Variants in SHOX observed in about 807,000 individuals in gnomAD.
The protein encoded by SHOX is SHOX homeobox, also known as short stature homeobox protein.
Under a neutral mutation model 29.6 loss-of-function variants are expected in SHOX, and 12 were observed. The observed-to-expected ratio is 0.41, with a 90% CI of 0.26 to 0.66. The LOEUF (loss-of-function observed/expected upper bound fraction) is 0.66, where lower values mean the gene tolerates loss of function less well. Among genes scored for constraint, SHOX ranks in the 30% least tolerant of loss-of-function variants. The probability of loss-of-function intolerance (pLI) is 0.35; values close to 1 mark genes in which losing one functional copy is unlikely to be tolerated. For missense variants in SHOX, 499 were observed against 437.7 expected (o/e 1.14, Z -1.25); for synonymous variants, 214 against 200.6 (o/e 1.07, Z -0.57).
At chrX:639,690 G>A (rs1297058502) in intron 2 of SHOX, among the ~76,000 whole-genome samples, 5 of 152,228 alleles carry the variant, frequency 3.3e-5, no homozygotes, top group African/African-American at 9.6e-5. Flanking sequence ...CTTAGGCAGG[G>A]CACGGATGAT....
At chrX:640,065 C>G (rs2052823751) in intron 2 of SHOX, among the ~76,000 whole-genome samples, 1 of 146,174 alleles carries the variant, frequency 6.8e-6, no homozygotes, top group Non-Finnish European at 1.5e-5. Context: ...CAGTTCTAGG[C>G]CAGGTGCAGT....
rs1270884494 is a variant in SHOX, at chrX:631,024, C to T, written c.127C>T (p.Leu43=). 1.2e-6 allele frequency: 2 copies of T among 1,613,862 alleles called. No individual in the cohort carries two copies. The highest frequency in any genetic ancestry group is 1.7e-6 in the Non-Finnish European group (2 of 1,179,856). ...GTACCGGGAAGTTTTGGAGAGCGGA[C>T]TGGCGCGCTCCCGGGAGCTGGGGAC... The part of the protein sequence containing the change: ...ITYREVLESG[L]ARSRELGTSD... The change falls in exon 1 of 5, where the codon CTG becomes TTG. Residue 43 remains leucine (L), a synonymous_variant. Transcript: ENST00000686671.
chrX:658,384 A>G (rs1459189305), intron 5 of SHOX, among the ~76,000 whole-genome samples: 2 of 152,200 alleles, frequency 1.3e-5, no homozygotes, highest in Non-Finnish European at 2.9e-5. Context: ...TATAAAAATA[A>G]GAAAAAGTCG....
downstream of SHOX, among the ~76,000 whole-genome samples, chrX:652,085 C>T (rs1243195422): frequency 6.6e-6 from 1 of 151,984 alleles, no homozygotes; most frequent in Non-Finnish European, 1.5e-5. Flanking sequence ...CCACCGCGCC[C>T]GGCTCATTTT....
upstream of SHOX, chrX:630,491 G>C (rs759928739): frequency 3.5e-6 from 1 of 284,942 alleles, no homozygotes; most frequent in Non-Finnish European, 6.6e-6. Context: ...CTTTTCCTCC[G>C]GCCACGGAGA....
chrX:635,766 T>C (rs1277882320), intron 2 of SHOX, among the ~76,000 whole-genome samples: 1 of 152,126 alleles, frequency 6.6e-6, no homozygotes, highest in Non-Finnish European at 1.5e-5. Context: ...AAATGGCTTC[T>C]TCCAGCCCCT....
chrX:649,607 G>A lies in SHOX; in HGVS notation c.*4971G>A, dbSNP rs892492255. ...TTCCCTGTGGCTTCCCGGTGAGCTC[G>A]CTCGCAGAGCAAGGAATACCACCCA... On this transcript the variant is annotated 3_prime_UTR_variant, in exon 5 of 5. Transcript: ENST00000686671. Among the ~76,000 whole-genome samples, 3 of 152,170 alleles carry A rather than the reference G, an allele frequency of 2.0e-5. No homozygotes were observed. Among genetic ancestry groups the A allele is most frequent in the African/African-American group, 2.4e-5 (1 of 41,440 alleles).
downstream of SHOX, among the ~76,000 whole-genome samples, chrX:656,270 T>G (rs1054388435): frequency 6.6e-6 from 1 of 151,674 alleles, no homozygotes; most frequent in Non-Finnish European, 1.5e-5. Flanking sequence ...AGTGAGATCT[T>G]GTTTCTCCAA....
At chrX:631,244 G>T in intron 1 of SHOX, 70 bp downstream of exon 1, 1 of 1,553,410 alleles carries the variant, frequency 6.4e-7, no homozygotes, top group Non-Finnish European at 8.9e-7. Context: ...CACGGAGTCG[G>T]CCCCGCGCGC....
At chrX:625,058 C>CCCTCCCTCCCTACTTCT (rs1556451947) in intron 1 of SHOX, among the ~76,000 whole-genome samples, 1 of 75,214 alleles carries the variant, frequency 1.3e-5, no homozygotes, top group Non-Finnish European at 2.2e-5. Flanking sequence ...TCTGTTCCTT[C>CCCTCCCTCCCTACTTCT]CTCCCTCCCT....
intron 4 of SHOX, among the ~76,000 whole-genome samples, chrX:643,119 T>G (rs2052889837): frequency 6.8e-6 from 1 of 145,994 alleles, no homozygotes; most frequent in African/African-American, 2.6e-5. Flanking sequence ...GGGGACCTGG[T>G]GACCTTGGAG....
Position 648,487 on chromosome X carries a change from G to A in SHOX, c.*3851G>A, listed in dbSNP as rs1284755513. On this transcript the variant is annotated 3_prime_UTR_variant, in exon 5 of 5. Coordinates refer to ENST00000686671, the MANE Select transcript of SHOX (RefSeq NM_000451.4). ...GGTTGACCTGCCCGCTTTGTCCCTC[G>A]CAAAGTGCTGGGATTACAGGCGTGA... is the stretch of plus-strand genomic sequence containing the variant. 1.3e-5 allele frequency among the ~76,000 whole-genome samples: 2 copies of A among 152,146 alleles called. No individual in the cohort carries two copies. The highest frequency in any genetic ancestry group is 1.9e-4 in the East Asian group (1 of 5,158).
downstream of SHOX, among the ~76,000 whole-genome samples, chrX:652,227 C>T (rs182786544): frequency 7.9e-5 from 12 of 151,840 alleles, no homozygotes; most frequent in East Asian, 2.1e-3. Flanking sequence ...TTCCAGTTTT[C>T]GACAGTGGCA....
At chrX:652,339 A>ATTTTT (rs1220969889), downstream of SHOX, among the ~76,000 whole-genome samples, 2,718 of 86,870 alleles carry the variant, frequency 0.031, 74 homozygotes, top group East Asian at 0.15. Context: ...AAAAATGACA[A>ATTTTT]ATTTTTTTTT....
At chrX:635,498 T>C (rs1274165433) in intron 2 of SHOX, among the ~76,000 whole-genome samples, 1 of 152,124 alleles carries the variant, frequency 6.6e-6, no homozygotes, top group Admixed American at 6.5e-5. Context: ...TGTCCTCTGC[T>C]ACAAACCACC....
chrX:624,851 C>CTGTTTCTTTCTTT (rs1569491624), intron 1 of SHOX, among the ~76,000 whole-genome samples: 6 of 113,878 alleles, frequency 5.3e-5, no homozygotes, highest in African/African-American at 2.1e-4. Context: ...TCCTCTCTTC[C>CTGTTTCTTTCTTT]TCTTTCTTTC....
intron 2 of SHOX, among the ~76,000 whole-genome samples, chrX:636,383 GTA>G (rs1013711760): frequency 9.3e-4 from 50 of 53,620 alleles, no homozygotes; most frequent in Admixed American, 3.4e-3. Flanking sequence ...CAAACATATT[GTA>G]TATATATAAA....
Position 650,810 on chromosome X carries a change from A to C in SHOX, c.*6174A>C, listed in dbSNP as rs1163555546. Reference sequence around the variant, plus strand: ...TTGACATTAAAAAAAAAAAAAAAAAAAAAAAAAAACTGGTGCCTAATTTAT... The same window carrying C: ...TTGACATTAAAAAAAAAAAAAAAAACAAAAAAAAACTGGTGCCTAATTTAT... On this transcript the variant is annotated 3_prime_UTR_variant, in exon 5 of 5. Transcript: ENST00000686671. 3.9e-4 allele frequency among the ~76,000 whole-genome samples: 59 copies of C among 150,210 alleles called. 2 individuals carry two copies. Among genetic ancestry groups the C allele is most frequent in the East Asian group, 3.3e-3 (17 of 5,158 alleles).
intron 1 of SHOX, among the ~76,000 whole-genome samples, chrX:632,462 G>A (rs1384537987): frequency 6.6e-6 from 1 of 152,212 alleles, no homozygotes; most frequent in Non-Finnish European, 1.5e-5. Context: ...CAAAGACGCA[G>A]AGAATCTAGC....
Sources: allele counts gnomAD v4.1 joint callset (sites outside exome capture counted in the v4.1 genomes callset), GRCh38; gene constraint gnomAD v4.1.1; transcripts MANE v1.5; gene names NCBI Gene and HGNC (gene_info 2026-07-23, HGNC 2026-07-21).